The following CORO2B variants were observed in gnomAD, a reference collection of about 807,000 sequenced individuals.
CORO2B encodes coronin-2B.
Under a neutral mutation model 58.8 loss-of-function variants are expected in CORO2B, and 26 were observed. The observed-to-expected ratio is 0.44, with a 90% CI of 0.32 to 0.61. CORO2B has a LOEUF of 0.61. Ranked by LOEUF, CORO2B falls within the 20% of genes least tolerant of loss-of-function variation. The pLI, the probability that CORO2B is intolerant of heterozygous loss-of-function variation, is 0.04. For synonymous variants in CORO2B, 242 were observed against 253.8 expected, an observed-to-expected ratio of 0.95 and a Z score of 0.44; for missense variants, 460 against 645.1, an observed-to-expected ratio of 0.71 and a Z score of 3.11.
chr15:68,712,623 A>C (rs966580039), intron 5 of CORO2B, among the ~76,000 whole-genome samples: 3 of 152,178 alleles, frequency 2.0e-5, no homozygotes, highest in African/African-American at 7.2e-5. Context: ...TACAAATAAG[A>C]ATAATGAGAG....
At chr15:68,526,834 T>A in the CORO2B span, among the ~76,000 whole-genome samples, 1 of 152,198 alleles carries the variant, frequency 6.6e-6, no homozygotes. Flanking sequence ...AAAGTTCTGT[T>A]TTCGACAGAA....
intron 1 of CORO2B, among the ~76,000 whole-genome samples, chr15:68,589,652 G>GT (rs1020264941): frequency 6.6e-6 from 1 of 152,220 alleles, no homozygotes; most frequent in African/African-American, 2.4e-5. Context: ...AATTCTGTGG[G>GT]TTTTTTTCTA....
intron 11 of CORO2B, among the ~76,000 whole-genome samples, chr15:68,722,731 C>CA (rs1244319938): frequency 6.6e-6 from 1 of 152,134 alleles, no homozygotes; most frequent in African/African-American, 2.4e-5. Context: ...TGTTAGTTAA[C>CA]AAAAAATATT....
intron 2 of CORO2B, among the ~76,000 whole-genome samples, chr15:68,647,621 G>A (rs545753234): frequency 1.3e-5 from 2 of 151,566 alleles, no homozygotes; most frequent in South Asian, 2.1e-4. Context: ...CCTGGGAGGC[G>A]GGGGTTGTGG....
At chr15:68,669,223 C>T (rs540186447) in intron 2 of CORO2B, among the ~76,000 whole-genome samples, 2 of 151,900 alleles carry the variant, frequency 1.3e-5, no homozygotes, top group Non-Finnish European at 2.9e-5. Context: ...GGAGACAGGA[C>T]TCGGCCTTGA....
intron 3 of CORO2B, among the ~76,000 whole-genome samples, chr15:68,704,419 A>G (rs946292858): frequency 6.6e-6 from 1 of 152,074 alleles, no homozygotes; most frequent in Non-Finnish European, 1.5e-5. Flanking sequence ...GTATGGGTAT[A>G]ATTATCCTTA....
chr15:68,523,776 T>C, the CORO2B span, among the ~76,000 whole-genome samples: 1 of 152,186 alleles, frequency 6.6e-6, no homozygotes, highest in African/African-American at 2.4e-5. Context: ...GGGTAAACCC[T>C]ACCAGGCCCT....
At chr15:68,716,033 T>C (rs1016068769) in intron 8 of CORO2B, among the ~76,000 whole-genome samples, 1 of 152,196 alleles carries the variant, frequency 6.6e-6, no homozygotes, top group Non-Finnish European at 1.5e-5. Context: ...GTGGGTCTGG[T>C]ATTATGGACA....
chr15:68,663,081 A>G (rs1010093231), intron 2 of CORO2B, among the ~76,000 whole-genome samples: 2 of 152,228 alleles, frequency 1.3e-5, no homozygotes, highest in African/African-American at 4.8e-5. Flanking sequence ...GGATAAATGG[A>G]CCCAAACAAT....
chr15:68,633,527 ACACACACACACACACACACT>A (rs1171682496), intron 1 of CORO2B, among the ~76,000 whole-genome samples: 1 of 151,456 alleles, frequency 6.6e-6, no homozygotes, highest in African/African-American at 2.4e-5. Flanking sequence ...ACACACACAC[ACACACACACACACACACACT>A]CACTCCTTGG....
chr15:68,526,858 A>C, the CORO2B span, among the ~76,000 whole-genome samples: 2 of 152,252 alleles, frequency 1.3e-5, no homozygotes, highest in Non-Finnish European at 2.9e-5. Context: ...TGGTCCCCCA[A>C]AATTCCTATG....
chr15:68,574,040 T>G (rs1162725194), upstream of CORO2B, among the ~76,000 whole-genome samples: 2 of 152,102 alleles, frequency 1.3e-5, no homozygotes, highest in African/African-American at 4.8e-5. Context: ...AGGACCCTGT[T>G]GGACTTCAAC....
chr15:68,719,763 C>A (rs535305018), intron 11 of CORO2B, among the ~76,000 whole-genome samples: 7 of 152,218 alleles, frequency 4.6e-5, no homozygotes, highest in Non-Finnish European at 1.5e-5. Context: ...CCCACACCAC[C>A]CCCACGCCTC....
intron 1 of CORO2B, among the ~76,000 whole-genome samples, chr15:68,585,850 G>T (rs986009268): frequency 2.0e-5 from 3 of 152,200 alleles, no homozygotes; most frequent in Non-Finnish European, 4.4e-5. Context: ...TATACATGGT[G>T]TTTGACATCA....
At chr15:68,725,735 G>A (rs1255553748) in intron 11 of CORO2B, 108 bp from the exon 12 acceptor site, 1 of 1,422,828 alleles carries the variant, frequency 7.0e-7, no homozygotes, top group Admixed American at 1.9e-5. Context: ...GAGGCCTGGG[G>A]GAATGTGAGG....
intron 1 of CORO2B, among the ~76,000 whole-genome samples, chr15:68,598,776 G>A (rs1350966683): frequency 6.6e-6 from 1 of 152,182 alleles, no homozygotes; most frequent in African/African-American, 2.4e-5. Flanking sequence ...AGAAATCTGG[G>A]GGTTTGTACA....
At chr15:68,582,638 C>T (rs184775257) in intron 1 of CORO2B, among the ~76,000 whole-genome samples, 38 of 152,286 alleles carry the variant, frequency 2.5e-4, no homozygotes, top group African/African-American at 8.7e-4. Context: ...GGACAAGGTA[C>T]ATTAATAGAG....
upstream of CORO2B, among the ~76,000 whole-genome samples, chr15:68,576,776 A>C (rs1035624909): frequency 6.6e-6 from 1 of 151,916 alleles, no homozygotes; most frequent in Non-Finnish European, 1.5e-5. Flanking sequence ...GGCCTAATTT[A>C]AATTTCCTCT....
At chr15:68,540,733 G>A in the CORO2B span, among the ~76,000 whole-genome samples, 2,091 of 152,208 alleles carry the variant, frequency 0.014, 50 homozygotes, top group African/African-American at 0.047. Context: ...CTTAAGTAAA[G>A]TTGGCTTTTT....
Sources: allele counts gnomAD v4.1 joint callset (sites outside exome capture counted in the v4.1 genomes callset), GRCh38; gene constraint gnomAD v4.1.1; transcripts MANE v1.5; gene names NCBI Gene and HGNC (gene_info 2026-07-23, HGNC 2026-07-21).